Variants in PARP4 observed in about 807,000 individuals in gnomAD.
The protein encoded by PARP4 is protein mono-ADP-ribosyltransferase PARP4.
Under a neutral mutation model 187.7 loss-of-function variants are expected in PARP4, and 120 were observed. That is an observed-to-expected ratio of 0.64 (90% CI 0.55 to 0.74). The LOEUF (loss-of-function observed/expected upper bound fraction) is 0.74. Among genes scored for constraint, PARP4 ranks in the 30% least tolerant of loss-of-function variants. The probability of loss-of-function intolerance (pLI) is 0.00; values close to 1 mark genes in which losing one functional copy is unlikely to be tolerated. For synonymous variants in PARP4, 654 were observed against 740.9 expected (o/e 0.88, Z 1.90); for missense variants, 1,836 against 2,070.5 (o/e 0.89, Z 2.20).
intron 15 of PARP4, among the ~76,000 whole-genome samples, chr13:24,474,548 C>A (rs1471771136): frequency 2.0e-5 from 3 of 151,226 alleles, no homozygotes; most frequent in African/African-American, 7.3e-5. Flanking sequence ...TCAAGGACCA[C>A]TCTGGCCCAG....
chr13:24,421,555 C>G (rs562399771), intron 33 of PARP4, among the ~76,000 whole-genome samples: 115 of 152,414 alleles, frequency 7.5e-4, no homozygotes, highest in African/African-American at 2.7e-3. Flanking sequence ...CCAGGCATCC[C>G]TGCTGCCTGC....
chr13:24,497,818 A>T (rs1869038801), intron 6 of PARP4, among the ~76,000 whole-genome samples: 1 of 152,082 alleles, frequency 6.6e-6, no homozygotes, highest in African/African-American at 2.4e-5. Context: ...GAGGACACAG[A>T]TGCCCACAGG....
At chr13:24,508,232 AC>A (rs1207896017) in intron 1 of PARP4, among the ~76,000 whole-genome samples, 1 of 152,166 alleles carries the variant, frequency 6.6e-6, no homozygotes, top group Non-Finnish European at 1.5e-5. Flanking sequence ...AATTTCCAGG[AC>A]AGCCTCTATG....
intron 15 of PARP4, among the ~76,000 whole-genome samples, chr13:24,471,241 C>G (rs1272429433): frequency 2.0e-5 from 3 of 152,138 alleles, no homozygotes; most frequent in African/African-American, 7.2e-5. Context: ...GTTTGATGAT[C>G]AGGATCACTA....
intron 9 of PARP4, 24 bp from the exon 10 acceptor site, chr13:24,490,852 A>T: frequency 1.9e-6 from 3 of 1,592,122 alleles, no homozygotes; most frequent in Non-Finnish European, 2.6e-6. Flanking sequence ...TAATACACAG[A>T]TGTCAGAATC....
At position 24,500,358 on chromosome 13, in the gene PARP4, G is replaced by T; in HGVS notation, c.359C>A (p.Pro120Gln). 6.2e-7 allele frequency: 1 copy of T among 1,602,852 alleles called. No homozygotes were observed. The highest frequency in any genetic ancestry group is 8.5e-7 in the Non-Finnish European group (1 of 1,173,666). ...GTCTTCCTCCTCTGTGGCACTGTCCGGGCATAGACCTTCTGTTTTCACTTC... is the reference window on the plus strand; with the variant it reads ...GTCTTCCTCCTCTGTGGCACTGTCCTGGCATAGACCTTCTGTTTTCACTTC... ...SSEVKTEGLC[P>Q]DSATEEEDTV... The change falls in exon 4 of 34, where the codon CCG becomes CAG. Residue 120 changes from proline (P) to glutamine (Q), a missense_variant. Pro to Gln is a moderately conservative substitution (Grantham distance 76). Transcript: ENST00000381989.
chr13:24,456,225 G>A (rs1378209562), intron 21 of PARP4, 116 bp downstream of exon 21: 7 of 745,858 alleles, frequency 9.4e-6, no homozygotes, highest in Non-Finnish European at 1.5e-5. Flanking sequence ...TGAGATGTGA[G>A]AGTTCATTTT....
intron 12 of PARP4, among the ~76,000 whole-genome samples, chr13:24,480,203 T>C (rs373932349): frequency 2.0e-5 from 3 of 152,360 alleles, no homozygotes; most frequent in African/African-American, 7.2e-5. Flanking sequence ...TGCAATTGTT[T>C]TGGGCTGCAA....
At chr13:24,457,385 C>T (rs917450995) in intron 20 of PARP4, among the ~76,000 whole-genome samples, 1 of 152,122 alleles carries the variant, frequency 6.6e-6, no homozygotes, top group African/African-American at 2.4e-5. Context: ...GGCCAAAGGA[C>T]TTGCTGTGGC....
intron 32 of PARP4, among the ~76,000 whole-genome samples, chr13:24,430,807 G>A (rs1870298747): frequency 6.6e-6 from 1 of 152,208 alleles, no homozygotes; most frequent in Non-Finnish European, 1.5e-5. Flanking sequence ...CTCTGGCAGA[G>A]GCTGGCTAGG....
chr13:24,443,833 A>T (rs1871075890), intron 27 of PARP4, 103 bp from the exon 28 acceptor site: 1 of 768,634 alleles, frequency 1.3e-6, no homozygotes, highest in South Asian at 1.5e-5. Context: ...GCATACAGTA[A>T]AATGCACTCC....
At chr13:24,445,028 G>A (rs1165364960) in intron 27 of PARP4, among the ~76,000 whole-genome samples, 3 of 152,148 alleles carry the variant, frequency 2.0e-5, no homozygotes, top group East Asian at 3.9e-4. Flanking sequence ...TGCTCACCAC[G>A]TGTTTCTTCC....
chr13:24,435,056 G>C lies in PARP4; in HGVS notation c.4085C>G (p.Ser1362Cys). The change falls in exon 31 of 34, where the codon TCT (serine) becomes TGT (cysteine). Residue 1362 changes from serine (S) to cysteine (C), a missense_variant. Physicochemically the swap from Ser to Cys is moderately radical, Grantham distance 112 (BLOSUM62 -1). This residue lies in a region of PARP4 where 450 missense variants were observed against 439.2 expected (regional missense o/e 1.02). Coordinates refer to ENST00000381989, the MANE Select transcript of PARP4 (RefSeq NM_006437.4). ...AGGCACAGGGCCTTGGCTGAATTGAGATGCATCAAACTGTCTGGGAGGAGC... is the reference window on the plus strand; with the variant it reads ...AGGCACAGGGCCTTGGCTGAATTGACATGCATCAAACTGTCTGGGAGGAGC... ...SAAPPRQFDA[S>C]QFSQGPVPGT... 1 of 1,614,128 alleles carries C rather than the reference G, an allele frequency of 6.2e-7. No homozygotes were observed. The highest frequency in any genetic ancestry group is 8.5e-7 in the Non-Finnish European group (1 of 1,180,044).
In PARP4 at chr13:24,478,185, G is replaced by GT. The variant is rs1566010722; in HGVS notation, c.1539dup (p.His514ThrfsTer2). ...TCAGTTAAGGAAAAGTCCTTCTCAT[G>GT]TAAGTCCATACACTTTCCGAGGGCT... On this transcript the variant is annotated frameshift_variant, in exon 13 of 34. Transcript: ENST00000381989. LOFTEE classifies it high-confidence loss of function. 4 of 1,613,878 alleles carry GT rather than the reference G, an allele frequency of 2.5e-6. No homozygotes were observed. The highest frequency in any genetic ancestry group is 3.4e-6 in the Non-Finnish European group (4 of 1,179,810).
intron 27 of PARP4, among the ~76,000 whole-genome samples, chr13:24,444,434 G>A (rs1336847215): frequency 3.3e-5 from 5 of 152,274 alleles, no homozygotes; most frequent in African/African-American, 1.2e-4. Flanking sequence ...TAAGTCACTG[G>A]CAACTAGTAA....
intron 16 of PARP4, 89 bp downstream of exon 16, chr13:24,469,805 A>G (rs1872652606): frequency 1.2e-5 from 17 of 1,369,844 alleles, no homozygotes; most frequent in Non-Finnish European, 1.6e-5. Context: ...TCAACCTTGT[A>G]GCCATGGGGA....
At chr13:24,494,513 A>T in intron 7 of PARP4, 60 bp downstream of exon 7, 1 of 1,459,146 alleles carries the variant, frequency 6.9e-7, no homozygotes, top group Non-Finnish European at 9.4e-7. Context: ...TTTGTAATAG[A>T]GAAAACATTT....
At chr13:24,430,160 G>C (rs1038855035) in intron 32 of PARP4, among the ~76,000 whole-genome samples, 3 of 152,124 alleles carry the variant, frequency 2.0e-5, no homozygotes, top group Non-Finnish European at 2.9e-5. Context: ...CCAGGATCAA[G>C]CACTCACTCC....
chr13:24,491,280 C>A (rs1298765656), intron 9 of PARP4, among the ~76,000 whole-genome samples: 2 of 152,072 alleles, frequency 1.3e-5, no homozygotes, highest in Non-Finnish European at 2.9e-5. Context: ...GCCACCATGC[C>A]TAGCTAACTT....
Sources: gnomAD v4.1 joint callset for allele counts (sites outside exome capture counted in the v4.1 genomes callset) on GRCh38, gnomAD v4.1.1 for gene constraint, gnomAD v4.1.1 regional missense constraint, MANE v1.5 for transcripts, NCBI Gene and HGNC (gene_info 2026-07-23, HGNC 2026-07-21) for gene names.